DLC1: variants seen among roughly 807,000 people sequenced by gnomAD.
DLC1 encodes rho GTPase-activating protein 7.
DLC1 carries 54 observed loss-of-function variants against 140.3 expected under a neutral mutation model. The observed-to-expected ratio is 0.38, with a 90% confidence interval of 0.31 to 0.48. The LOEUF is 0.48. Ranked by LOEUF, DLC1 falls within the 20% of genes least tolerant of loss-of-function variation. The probability of loss-of-function intolerance (pLI) is 0.96; values close to 1 mark genes in which losing one functional copy is unlikely to be tolerated. For synonymous variants in DLC1, 986 were observed against 728.1 expected (o/e 1.35, Z -5.70); for missense variants, 2,536 against 1,907.0 (o/e 1.33, Z -6.14).
intron 2 of DLC1, among the ~76,000 whole-genome samples, chr8:13,403,615 A>T (rs985292684): frequency 6.6e-6 from 1 of 151,652 alleles, no homozygotes; most frequent in South Asian, 2.1e-4. Context: ...AAACTTTTGG[A>T]TTTCTTTCTT....
rs554524206 is a variant in DLC1, at chr8:13,554,350, G to A, written c.-126+50187C>T. ...CAAAATGCTGGGATTACGCGCGTGA[G>A]CCACTGCATCTGGCTATATGCTTAT... On this transcript the variant is annotated intron_variant, in intron 1 of 1. Coordinates refer to the DLC1 transcript ENST00000631382. Among the ~76,000 whole-genome samples the A allele has an allele frequency of 8.8e-4, 134 of 152,270 alleles. No homozygotes were observed. In the South Asian group the frequency reaches 9.3e-3, roughly 11 times the overall value.
chr8:13,340,106 T>G (rs975978056), intron 4 of DLC1: 11 of 152,014 alleles, frequency 7.2e-5, no homozygotes, highest in African/African-American at 2.7e-4. Context: ...GGGAAGGAGG[T>G]CCTGGGGAGG....
At chr8:13,128,421 C>G (rs1821768724) in intron 5 of DLC1, among the ~76,000 whole-genome samples, 1 of 152,186 alleles carries the variant, frequency 6.6e-6, no homozygotes. Context: ...TTCCTGCACT[C>G]TAACATTACA....
rs567538911 is a variant in DLC1, at chr8:13,314,361, A to G, written c.1315-9059T>C. Among the ~76,000 whole-genome samples, 4 of 149,908 alleles carry G rather than the reference A, an allele frequency of 2.7e-5. No homozygotes were observed. The East Asian group carries it at 7.8e-4, about 29-fold the overall frequency. ...TGTAATATACATGTAATATTGTTCA[A>G]TAGACTTGGATAAAAATAGAGGTAA... is the stretch of plus-strand genomic sequence containing the variant. On this transcript the variant is annotated intron_variant, in intron 4 of 17. Coordinates refer to ENST00000276297, the MANE Select transcript of DLC1 (RefSeq NM_182643.3).
At chr8:13,576,467 G>A (rs751478501) in intron 1 of DLC1, among the ~76,000 whole-genome samples, 12 of 152,076 alleles carry the variant, frequency 7.9e-5, no homozygotes, top group Non-Finnish European at 1.6e-4. Context: ...TGTAAACATC[G>A]AAATATATAA....
intron 1 of DLC1, among the ~76,000 whole-genome samples, chr8:13,501,273 C>T (rs1246306713): frequency 6.6e-6 from 1 of 152,050 alleles, no homozygotes; most frequent in East Asian, 1.9e-4. Context: ...AATACAAACA[C>T]ATACCAGGTA....
intron 2 of DLC1, among the ~76,000 whole-genome samples, chr8:13,477,406 C>G (rs1039720694): frequency 1.3e-5 from 2 of 152,022 alleles, no homozygotes; most frequent in African/African-American, 4.8e-5. Flanking sequence ...CCGTGGGAGA[C>G]CAGGAGCACG....
chr8:13,602,930 A>T (rs1390649851), intron 1 of DLC1, among the ~76,000 whole-genome samples: 1 of 151,894 alleles, frequency 6.6e-6, no homozygotes. Flanking sequence ...TAGTGATAAA[A>T]TAATTGAATT....
intron 2 of DLC1, among the ~76,000 whole-genome samples, chr8:13,433,150 C>A (rs1838962780): frequency 6.6e-6 from 1 of 151,930 alleles, no homozygotes; most frequent in Admixed American, 6.6e-5. Flanking sequence ...AACAGGCATT[C>A]CTATTCCATG....
At chr8:13,401,685 C>G (rs28513258) in intron 2 of DLC1, 66 bp from the exon 3 acceptor site, 4 of 1,555,870 alleles carry the variant, frequency 2.6e-6, no homozygotes, top group Non-Finnish European at 3.5e-6. Flanking sequence ...AAAAAGTTCC[C>G]TGTTCTTCAA....
chr8:13,178,454 T>G (rs374492503), intron 5 of DLC1, among the ~76,000 whole-genome samples: 14 of 151,202 alleles, frequency 9.3e-5, no homozygotes, highest in Middle Eastern at 3.4e-3. Context: ...TCCTCCTAGT[T>G]CCACCTACTC....
At chr8:13,416,955 TA>T (rs1226902427) in intron 2 of DLC1, among the ~76,000 whole-genome samples, 1 of 152,178 alleles carries the variant, frequency 6.6e-6, no homozygotes, top group Non-Finnish European at 1.5e-5. Context: ...GTGCCTTTGT[TA>T]AAGTACTCGT....
At chr8:13,274,215 C>T (rs1831070034) in intron 5 of DLC1, among the ~76,000 whole-genome samples, 1 of 152,182 alleles carries the variant, frequency 6.6e-6, no homozygotes, top group South Asian at 2.1e-4. Flanking sequence ...AGCAAGTGCT[C>T]TTGAGGTTTG....
At chr8:13,183,541 G>T (rs1344574097) in intron 5 of DLC1, among the ~76,000 whole-genome samples, 3 of 152,104 alleles carry the variant, frequency 2.0e-5, no homozygotes, top group Admixed American at 6.5e-5. Flanking sequence ...GTTGAATTTT[G>T]TTGAAGGCCT....
chr8:13,553,757 C>T (rs1164973043), intron 1 of DLC1, among the ~76,000 whole-genome samples: 1 of 152,130 alleles, frequency 6.6e-6, no homozygotes, highest in Non-Finnish European at 1.5e-5. Context: ...AAATGCCCAT[C>T]AGTCTTTGAT....
intron 5 of DLC1, among the ~76,000 whole-genome samples, chr8:13,135,460 C>T (rs1447464285): frequency 6.6e-6 from 1 of 152,042 alleles, no homozygotes; most frequent in East Asian, 1.9e-4. Flanking sequence ...GGATAACAGG[C>T]GTGAGCCACC....
In DLC1 at chr8:13,100,085, C is replaced by G. The variant is rs112183774; in HGVS notation, c.2252G>C (p.Ser751Thr). Reference sequence around the variant, plus strand: ...AACAGGGCTGGGCGTGCTGACCGCGCTGCTGGTCTCCGACTGGCTGCTGCT... The same window carrying G: ...AACAGGGCTGGGCGTGCTGACCGCGGTGCTGGTCTCCGACTGGCTGCTGCT... ...SSSSSQSETS[S>T]AVSTPSPVTR... The change falls in exon 9 of 18, where the codon AGC becomes ACC. Residue 751 changes from serine (S) to threonine (T), a missense_variant. Ser to Thr is a moderately conservative substitution (Grantham distance 58). Coordinates refer to ENST00000276297, the MANE Select transcript of DLC1 (RefSeq NM_182643.3). 3.7e-6 allele frequency: 6 copies of G among 1,613,758 alleles called. No individual in the cohort carries two copies. The highest frequency in any genetic ancestry group is 5.1e-6 in the Non-Finnish European group (6 of 1,180,036).
At chr8:13,217,952 T>C (rs968486008) in intron 5 of DLC1, among the ~76,000 whole-genome samples, 3 of 152,168 alleles carry the variant, frequency 2.0e-5, no homozygotes, top group African/African-American at 7.2e-5. Context: ...TTTTGCTCAC[T>C]CTGGGAACCA....
intron 2 of DLC1, among the ~76,000 whole-genome samples, chr8:13,428,443 A>T (rs981141972): frequency 2.0e-5 from 3 of 152,214 alleles, no homozygotes; most frequent in Admixed American, 1.3e-4. Context: ...GTTTTTACTG[A>T]ATCATTATGA....
Sources: gnomAD v4.1 joint callset for allele counts (sites outside exome capture counted in the v4.1 genomes callset) on GRCh38, gnomAD v4.1.1 for gene constraint, MANE v1.5 for transcripts, NCBI Gene and HGNC (gene_info 2026-07-23, HGNC 2026-07-21) for gene names.